FSHR: variants seen among roughly 807,000 people sequenced by gnomAD.
FSHR encodes the protein follicle-stimulating hormone receptor.
FSHR carries 46 observed loss-of-function variants against 52.1 expected under a neutral mutation model. That is an observed-to-expected ratio of 0.88 (90% CI 0.70 to 1.13). The LOEUF (loss-of-function observed/expected upper bound fraction) is 1.13, where lower values mean the gene tolerates loss of function less well. FSHR is among the 50% of genes most tolerant of loss of function. The pLI, the probability that FSHR is intolerant of heterozygous loss-of-function variation, is 0.00. For missense variants in FSHR, 964 were observed against 834.6 expected, an observed-to-expected ratio of 1.16 and a Z score of -1.91; for synonymous variants, 399 against 309.6, an observed-to-expected ratio of 1.29 and a Z score of -3.03.
chr2:49,108,498 C>A (rs1045048759), intron 1 of FSHR, among the ~76,000 whole-genome samples: 3 of 152,122 alleles, frequency 2.0e-5, no homozygotes, highest in African/African-American at 4.8e-5. Flanking sequence ...TCTGGCCAAC[C>A]AAGCTCAGCT....
intron 1 of FSHR, among the ~76,000 whole-genome samples, chr2:49,087,604 T>C (rs1670448268): frequency 6.6e-6 from 1 of 152,122 alleles, no homozygotes; most frequent in Non-Finnish European, 1.5e-5. Flanking sequence ...GGCAATTACT[T>C]GGAATGAAAA....
At chr2:48,986,236 C>T (rs950179995) in intron 6 of FSHR, among the ~76,000 whole-genome samples, 1 of 152,046 alleles carries the variant, frequency 6.6e-6, no homozygotes, top group African/African-American at 2.4e-5. Context: ...GGTTTTCTGT[C>T]CCTGTGTTAG....
chr2:48,994,376 T>C (rs954273678), intron 4 of FSHR, among the ~76,000 whole-genome samples: 2 of 152,188 alleles, frequency 1.3e-5, no homozygotes, highest in East Asian at 1.9e-4. Context: ...GAAATATCTA[T>C]AGATATCTGC....
Position 49,032,483 on chromosome 2 carries a change from A to T in FSHR, c.225-12323T>A, listed in dbSNP as rs74586573. 4.5e-3 allele frequency among the ~76,000 whole-genome samples: 679 copies of T among 152,334 alleles called. 8 individuals carry two copies. The highest frequency in any genetic ancestry group is 0.015 in the African/African-American group (638 of 41,578). On this transcript the variant is annotated intron_variant, in intron 2 of 9. Transcript: ENST00000406846. The stretch of plus-strand genomic sequence containing the variant: ...CCTCTTCTTCATACATATTTGAAAG[A>T]GTATAGTTTCTGCCTTCAAGGAGCA...
chr2:49,055,704 A>T (rs1047876007), intron 2 of FSHR, among the ~76,000 whole-genome samples: 45 of 152,100 alleles, frequency 3.0e-4, no homozygotes, highest in Non-Finnish European at 7.4e-5. Flanking sequence ...TTGGATGAAG[A>T]GTAGATTTCT....
intron 1 of FSHR, among the ~76,000 whole-genome samples, chr2:49,086,823 C>T (rs1436590078): frequency 2.6e-5 from 4 of 152,004 alleles, no homozygotes; most frequent in South Asian, 4.1e-4. Flanking sequence ...TTAGTTTCAC[C>T]GTGTTGGCCA....
intron 2 of FSHR, among the ~76,000 whole-genome samples, chr2:49,030,803 C>A (rs1294044085): frequency 2.6e-5 from 4 of 152,102 alleles, no homozygotes; most frequent in Non-Finnish European, 5.9e-5. Context: ...CCATTCTACC[C>A]CCAAATTATA....
chr2:49,048,742 C>G (rs1023833153), intron 2 of FSHR, among the ~76,000 whole-genome samples: 1 of 152,146 alleles, frequency 6.6e-6, no homozygotes, highest in African/African-American at 2.4e-5. Context: ...TCTCTGCCTG[C>G]TTAACTTCTG....
chr2:48,985,752 G>GCTC (rs1675477440), intron 6 of FSHR, among the ~76,000 whole-genome samples: 1 of 113,654 alleles, frequency 8.8e-6, no homozygotes, highest in Non-Finnish European at 1.7e-5. Flanking sequence ...TGTCGCCCAG[G>GCTC]CCGGACTGCG....
At chr2:49,147,699 T>C (rs142324472) in intron 1 of FSHR, among the ~76,000 whole-genome samples, 43 of 152,164 alleles carry the variant, frequency 2.8e-4, no homozygotes, top group African/African-American at 1.0e-3. Context: ...TCTTTCAAGG[T>C]ACTGCATTCT....
At chr2:49,108,421 A>G (rs1376721904) in intron 1 of FSHR, among the ~76,000 whole-genome samples, 4 of 151,948 alleles carry the variant, frequency 2.6e-5, no homozygotes, top group African/African-American at 9.7e-5. Flanking sequence ...ACATATCCAT[A>G]CCTGGGTTTA....
In FSHR at chr2:49,083,765, T is replaced by C. The variant is rs1311018587; in HGVS notation, c.153-15475A>G. Among the ~76,000 whole-genome samples, 5 of 146,456 alleles carry C rather than the reference T, an allele frequency of 3.4e-5. No homozygotes were observed. The Admixed American group carries it at 3.4e-4, about 10-fold the overall frequency. ...GACAAAGAAGGCCATTACATAATGG[T>C]AAAGGGATCAATTCAACAAGAAGAG... On this transcript the variant is annotated intron_variant, in intron 1 of 9. Transcript: ENST00000406846.
chr2:49,149,689 G>C (rs1490456142), intron 1 of FSHR, among the ~76,000 whole-genome samples: 1 of 151,898 alleles, frequency 6.6e-6, no homozygotes, highest in Non-Finnish European at 1.5e-5. Context: ...GACTAACCTA[G>C]ACACACTTTA....
chr2:48,973,416 C>T (rs1394942948), intron 8 of FSHR, among the ~76,000 whole-genome samples: 2 of 152,128 alleles, frequency 1.3e-5, no homozygotes, highest in Non-Finnish European at 2.9e-5. Flanking sequence ...TCAGGGCCAG[C>T]CATCCAAATG....
intron 1 of FSHR, among the ~76,000 whole-genome samples, chr2:49,149,773 C>G (rs1672997724): frequency 6.6e-6 from 1 of 151,386 alleles, no homozygotes; most frequent in African/African-American, 2.4e-5. Context: ...GAATGTAAGC[C>G]AAAGAAAGAA....
chr2:48,990,943 A>G (rs1675745662), intron 4 of FSHR, among the ~76,000 whole-genome samples: 2 of 151,904 alleles, frequency 1.3e-5, no homozygotes, highest in South Asian at 4.2e-4. Context: ...ACTTCCAACT[A>G]GTAACAAAAG....
rs527545421 is a variant in FSHR, at chr2:49,038,072, T to G, written c.225-17912A>C. 3.3e-5 allele frequency among the ~76,000 whole-genome samples: 5 copies of G among 152,218 alleles called. No individual in the cohort carries two copies. The East Asian group carries it at 9.6e-4, about 29-fold the overall frequency. ...AGCAACAAGAGATATCAAAAGATAA[T>G]AGAGTTATGTGCTGAATAGAAATTA... On this transcript the variant is annotated intron_variant, in intron 2 of 9. Coordinates refer to ENST00000406846, the MANE Select transcript of FSHR (RefSeq NM_000145.4).
Position 49,127,898 on chromosome 2 carries a change from C to CTTCTTCTTCTTCTTCTTCTTCTTTT in FSHR, c.152+26367_152+26368insAAAAGAAGAAGAAGAAGAAGAAGAA, listed in dbSNP as rs1558457105. Among the ~76,000 whole-genome samples the CTTCTTCTTCTTCTTCTTCTTCTTTT allele has an allele frequency of 1.5e-4, 4 of 27,258 alleles. 2 individuals carry two copies. The highest frequency in any genetic ancestry group is 3.6e-4 in the African/African-American group (2 of 5,600). The allele number at this position is 27,258 out of a possible 152,430, so 17.9% of individuals were successfully genotyped here. A position where few individuals can be genotyped will look rare whatever the true frequency, so the allele number is the denominator to read the frequency against. On this transcript the variant is annotated intron_variant, in intron 1 of 9. Transcript: ENST00000406846. ...TCTTCTTCTTCTTCTTCTTCTTCTT[C>CTTCTTCTTCTTCTTCTTCTTCTTTT]TTTTTTTTTTTTGAGACGGAGTCTT...
At chr2:49,003,190 C>G (rs923039724) in intron 4 of FSHR, among the ~76,000 whole-genome samples, 3 of 152,156 alleles carry the variant, frequency 2.0e-5, no homozygotes, top group Non-Finnish European at 2.9e-5. Flanking sequence ...CTTCAGTGTT[C>G]ACACTCTGTG....
Sources: gnomAD v4.1 joint callset for allele counts (sites outside exome capture counted in the v4.1 genomes callset) on GRCh38, gnomAD v4.1.1 for gene constraint, MANE v1.5 for transcripts, NCBI Gene and HGNC (gene_info 2026-07-23, HGNC 2026-07-21) for gene names.